The following SGCZ variants were observed in gnomAD, a reference collection of about 807,000 sequenced individuals.
The protein encoded by SGCZ is zeta-sarcoglycan.
Under a neutral mutation model 41.3 loss-of-function variants are expected in SGCZ, and 40 were observed. That is an observed-to-expected ratio of 0.97 (90% CI 0.75 to 1.26). The LOEUF (loss-of-function observed/expected upper bound fraction) is 1.26. Among genes scored for constraint, SGCZ ranks in the 50% most tolerant of loss-of-function variants. The pLI, the probability that SGCZ is intolerant of heterozygous loss-of-function variation, is 0.00. For missense variants in SGCZ, 552 were observed against 369.8 expected (o/e 1.49, Z -4.04); for synonymous variants, 206 against 137.5 (o/e 1.50, Z -3.49).
At chr8:14,768,989 C>T (rs574106386) in intron 1 of SGCZ, among the ~76,000 whole-genome samples, 18 of 151,926 alleles carry the variant, frequency 1.2e-4, no homozygotes, top group South Asian at 2.1e-4. Flanking sequence ...TATGTAGATA[C>T]GGGCTGAAAT....
At chr8:14,907,544 T>C (rs1252655636) in intron 1 of SGCZ, among the ~76,000 whole-genome samples, 3 of 151,976 alleles carry the variant, frequency 2.0e-5, no homozygotes, top group African/African-American at 7.3e-5. Flanking sequence ...ATGCCTCCAA[T>C]AACTAACTAT....
chr8:14,235,124 T>C (rs1225129784), intron 4 of SGCZ, among the ~76,000 whole-genome samples: 3 of 152,222 alleles, frequency 2.0e-5, no homozygotes, highest in African/African-American at 7.2e-5. Flanking sequence ...ATTTTAGAGA[T>C]GAGAAAACGG....
chr8:14,845,340 C>T (rs972181894), intron 1 of SGCZ, among the ~76,000 whole-genome samples: 1 of 152,118 alleles, frequency 6.6e-6, no homozygotes, highest in Non-Finnish European at 1.5e-5. Context: ...ATTGAAATAA[C>T]AATGTTTCTA....
At chr8:15,139,008 G>A (rs780332995) in intron 1 of SGCZ, among the ~76,000 whole-genome samples, 6 of 151,990 alleles carry the variant, frequency 3.9e-5, no homozygotes, top group Non-Finnish European at 8.8e-5. Context: ...ACTTAATGCT[G>A]GATTTAAGCA....
chr8:14,545,615 A>G (rs1404546182), intron 2 of SGCZ, among the ~76,000 whole-genome samples: 1 of 152,168 alleles, frequency 6.6e-6, no homozygotes, highest in Non-Finnish European at 1.5e-5. Context: ...CAATGTGTTT[A>G]ATCTACTTTA....
intron 2 of SGCZ, among the ~76,000 whole-genome samples, chr8:14,519,422 C>A (rs768567749): frequency 6.6e-6 from 1 of 152,058 alleles, no homozygotes; most frequent in Non-Finnish European, 1.5e-5. Context: ...GTATTACTGA[C>A]ATATTTCTAA....
intron 1 of SGCZ, among the ~76,000 whole-genome samples, chr8:14,702,827 A>AGAT (rs1554483797): frequency 3.9e-5 from 2 of 51,174 alleles, no homozygotes; most frequent in South Asian, 7.6e-4. Context: ...ATAGATAGAT[A>AGAT]GATAGATAGA....
chr8:14,910,593 G>C (rs1329084512), intron 1 of SGCZ, among the ~76,000 whole-genome samples: 1 of 151,448 alleles, frequency 6.6e-6, no homozygotes, highest in Non-Finnish European at 1.5e-5. Flanking sequence ...TTTGAATCTA[G>C]AATTCTAGTT....
chr8:14,444,120 T>C (rs564371103), intron 2 of SGCZ, among the ~76,000 whole-genome samples: 88 of 152,248 alleles, frequency 5.8e-4, no homozygotes, highest in Non-Finnish European at 9.7e-4. Context: ...AGATACCATC[T>C]CACACTAGTT....
intron 5 of SGCZ, among the ~76,000 whole-genome samples, chr8:14,150,030 T>C (rs527844501): frequency 5.3e-5 from 8 of 152,154 alleles, no homozygotes; most frequent in African/African-American, 4.8e-5. Flanking sequence ...CAAATCAAAA[T>C]GGATTAAAGA....
intron 1 of SGCZ, among the ~76,000 whole-genome samples, chr8:14,809,168 C>T (rs1801661310): frequency 6.6e-6 from 1 of 151,802 alleles, no homozygotes; most frequent in South Asian, 2.1e-4. Context: ...CAGCGTGGCA[C>T]ATGTATACAT....
At chr8:14,143,604 T>C (rs981229176) in intron 5 of SGCZ, among the ~76,000 whole-genome samples, 1 of 152,166 alleles carries the variant, frequency 6.6e-6, no homozygotes, top group African/African-American at 2.4e-5. Context: ...GCTCCACCAA[T>C]CATCCCCTAC....
At chr8:14,960,597 G>A (rs1800932952) in intron 1 of SGCZ, among the ~76,000 whole-genome samples, 1 of 152,058 alleles carries the variant, frequency 6.6e-6, no homozygotes, top group South Asian at 2.1e-4. Flanking sequence ...ACTGTTCTGA[G>A]CTATGGGTGG....
chr8:14,490,205 T>C (rs1226217838), intron 2 of SGCZ, among the ~76,000 whole-genome samples: 2 of 152,146 alleles, frequency 1.3e-5, no homozygotes, highest in Admixed American at 1.3e-4. Flanking sequence ...TGTCAACTTT[T>C]ACATGGTACA....
chr8:15,205,878 A>G (rs781168380), intron 1 of SGCZ, among the ~76,000 whole-genome samples: 1 of 152,328 alleles, frequency 6.6e-6, no homozygotes, highest in Middle Eastern at 3.4e-3. Context: ...CCCATAAATG[A>G]CAGATGAGAT....
At chr8:14,342,549 T>C (rs927890261) in intron 2 of SGCZ, among the ~76,000 whole-genome samples, 1 of 152,104 alleles carries the variant, frequency 6.6e-6, no homozygotes, top group African/African-American at 2.4e-5. Context: ...TCTCCTGAAC[T>C]GGTGATCCAC....
intron 1 of SGCZ, among the ~76,000 whole-genome samples, chr8:14,821,330 T>C (rs955544072): frequency 4.6e-5 from 7 of 151,934 alleles, no homozygotes; most frequent in African/African-American, 1.7e-4. Flanking sequence ...GTAATAAAAA[T>C]TCTCTCATCA....
At chr8:14,480,876 T>A (rs145022387) in intron 2 of SGCZ, among the ~76,000 whole-genome samples, 1 of 152,036 alleles carries the variant, frequency 6.6e-6, no homozygotes, top group Admixed American at 6.6e-5. Flanking sequence ...ATAACAAACC[T>A]GCACTTGTAC....
At chr8:15,172,686 G>A (rs967555385) in intron 1 of SGCZ, among the ~76,000 whole-genome samples, 1 of 152,006 alleles carries the variant, frequency 6.6e-6, no homozygotes, top group East Asian at 1.9e-4. Flanking sequence ...CTTGGTCTTG[G>A]AGTCTATTAA....
Sources: allele counts gnomAD v4.1 joint callset (sites outside exome capture counted in the v4.1 genomes callset), GRCh38; gene constraint gnomAD v4.1.1; transcripts MANE v1.5; gene names NCBI Gene and HGNC (gene_info 2026-07-23, HGNC 2026-07-21).